Variants in IL1RAPL1 observed in about 807,000 individuals in gnomAD.
The protein encoded by IL1RAPL1 is interleukin 1 receptor accessory protein like 1.
In IL1RAPL1, 3 loss-of-function variants were observed where a neutral mutation model predicts 48.4. That is an observed-to-expected ratio of 0.06 (90% CI 0.03 to 0.16). The LOEUF is 0.16. Among genes scored for constraint, IL1RAPL1 ranks in the 10% least tolerant of loss-of-function variants. The pLI is 1.00. For synonymous variants in IL1RAPL1, 185 were observed against 187.7 expected, an observed-to-expected ratio of 0.99 and a Z score of 0.12; for missense variants, 349 against 530.6, an observed-to-expected ratio of 0.66 and a Z score of 3.36.
At chrX:28,932,430 C>T (rs1410395416) in intron 2 of IL1RAPL1, among the ~76,000 whole-genome samples, 1 of 111,508 alleles carries the variant, frequency 9.0e-6, no homozygotes, top group African/African-American at 3.3e-5. Context: ...TCAGGTTTTT[C>T]TCGATCCTTC....
intron 3 of IL1RAPL1, among the ~76,000 whole-genome samples, chrX:29,392,608 TCCAGACATTA>T (rs995566175): frequency 4.5e-5 from 5 of 112,103 alleles, no homozygotes; most frequent in Non-Finnish European, 9.4e-5. Context: ...AGTCTGGAGT[TCCAGACATTA>T]CCAGACACTC....
At chrX:29,629,648 C>A (rs1369719074) in intron 5 of IL1RAPL1, among the ~76,000 whole-genome samples, 1 of 112,118 alleles carries the variant, frequency 8.9e-6, no homozygotes, top group African/African-American at 3.2e-5. Flanking sequence ...TAATGTTTGT[C>A]TTCTGAAGAA....
intron 2 of IL1RAPL1, among the ~76,000 whole-genome samples, chrX:29,013,873 T>C (rs1454647346): frequency 3.6e-5 from 4 of 110,154 alleles, no homozygotes; most frequent in African/African-American, 1.3e-4. Flanking sequence ...AACTTAAAAG[T>C]TGAAGGAAAA....
intron 5 of IL1RAPL1, among the ~76,000 whole-genome samples, chrX:29,496,213 A>AT (rs1935211357): frequency 1.8e-5 from 2 of 111,564 alleles, no homozygotes; most frequent in Non-Finnish European, 3.8e-5. Context: ...GTAAAAATGT[A>AT]TTTTTTTCTC....
intron 5 of IL1RAPL1, among the ~76,000 whole-genome samples, chrX:29,545,179 CTAT>C (rs1921577690): frequency 1.1e-3 from 4 of 3,560 alleles, no homozygotes; most frequent in African/African-American, 5.7e-3. Flanking sequence ...AAAACTAATC[CTAT>C]CTATCTATCT....
intron 5 of IL1RAPL1, among the ~76,000 whole-genome samples, chrX:29,532,202 C>T (rs1030969431): frequency 8.9e-6 from 1 of 111,977 alleles, no homozygotes; most frequent in Non-Finnish European, 1.9e-5. Context: ...GTTTATTTCC[C>T]TGCCCCACCT....
intron 6 of IL1RAPL1, among the ~76,000 whole-genome samples, chrX:29,743,795 T>C (rs1460183782): frequency 8.9e-6 from 1 of 112,431 alleles, no homozygotes; most frequent in Admixed American, 9.4e-5. Flanking sequence ...GGTCTTTCTC[T>C]TTTTAACTTT....
chrX:29,367,550 A>ATTTT lies in IL1RAPL1; in HGVS notation c.363-28706_363-28703dup, dbSNP rs201743151. 2.2e-4 allele frequency among the ~76,000 whole-genome samples: 20 copies of ATTTT among 91,424 alleles called. No homozygotes were observed. In the East Asian group the frequency reaches 3.6e-3, roughly 16 times the overall value. 79.4% of individuals were successfully genotyped at this position (91,424 alleles called of 115,157 possible). A position where few individuals can be genotyped will look rare whatever the true frequency, so the allele number is the denominator to read the frequency against. On this transcript the variant is annotated intron_variant, in intron 3 of 10. Coordinates refer to ENST00000378993, the MANE Select transcript of IL1RAPL1 (RefSeq NM_014271.4). Reference sequence around the variant, plus strand: ...AGGTAGAGCAAAAGGGCTTCTATTTATTTTTATTTATTTATTTATTTATTT... The same window carrying ATTTT: ...AGGTAGAGCAAAAGGGCTTCTATTTATTTTTTTTTATTTATTTATTTATTTATTT...
intron 3 of IL1RAPL1, among the ~76,000 whole-genome samples, chrX:29,310,093 CAAAAAAAAAAAAAAAAAAAAAAAAA>C (rs57210050): frequency 2.1e-4 from 5 of 23,736 alleles, no homozygotes; most frequent in African/African-American, 9.6e-4. Flanking sequence ...GACTCCGTCT[CAAAAAAAAAAAAAAAAAAAAAAAAA>C]AAAAAAAAAA....
At chrX:29,810,663 C>T (rs1234187792) in intron 6 of IL1RAPL1, among the ~76,000 whole-genome samples, 2 of 111,360 alleles carry the variant, frequency 1.8e-5, no homozygotes, top group African/African-American at 6.5e-5. Context: ...TTTTCTTATT[C>T]TATCCTCCAT....
At chrX:28,723,700 A>G (rs1461971260) in intron 1 of IL1RAPL1, among the ~76,000 whole-genome samples, 2 of 111,690 alleles carry the variant, frequency 1.8e-5, no homozygotes, top group African/African-American at 6.5e-5. Flanking sequence ...TGTCAATTTT[A>G]GATCTTTCCT....
intron 2 of IL1RAPL1, among the ~76,000 whole-genome samples, chrX:28,901,331 A>G (rs889034054): frequency 8.9e-5 from 10 of 112,232 alleles, no homozygotes; most frequent in African/African-American, 2.9e-4. Flanking sequence ...CTGTTTTTCA[A>G]TTAGGAAGCA....
chrX:29,774,934 A>G (rs1479560200), intron 6 of IL1RAPL1, among the ~76,000 whole-genome samples: 1 of 112,571 alleles, frequency 8.9e-6, no homozygotes, highest in African/African-American at 3.2e-5. Flanking sequence ...TGTACTACAC[A>G]TGAAGTACTG....
At chrX:28,702,664 T>C (rs748906664) in intron 1 of IL1RAPL1, among the ~76,000 whole-genome samples, 3 of 111,878 alleles carry the variant, frequency 2.7e-5, no homozygotes, top group Non-Finnish European at 5.7e-5. Context: ...TGCTTTTGAC[T>C]TGATGCTGAA....
chrX:29,477,019 T>C (rs1422517986), intron 5 of IL1RAPL1, among the ~76,000 whole-genome samples: 1 of 106,496 alleles, frequency 9.4e-6, no homozygotes, highest in Admixed American at 9.9e-5. Flanking sequence ...TAGCTGGGAC[T>C]ACAGGCGCCC....
intron 2 of IL1RAPL1, among the ~76,000 whole-genome samples, chrX:28,909,459 T>A (rs186357678): frequency 9.0e-6 from 1 of 111,617 alleles, no homozygotes; most frequent in African/African-American, 3.2e-5. Context: ...CTATGTCAGT[T>A]CCATAATTTT....
Position 29,294,037 on chromosome X carries a change from TA to T in IL1RAPL1, c.362+10833del, listed in dbSNP as rs1215115516. Among the ~76,000 whole-genome samples the T allele has an allele frequency of 8.1e-3, 718 of 89,151 alleles. 3 individuals are homozygous for T. Among genetic ancestry groups the T allele is most frequent in the African/African-American group, 0.023 (563 of 24,495 alleles). The allele number at this position is 89,151 out of a possible 115,157, so 77.4% of individuals were successfully genotyped here. A position where few individuals can be genotyped will look rare whatever the true frequency, so the allele number is the denominator to read the frequency against. On this transcript the variant is annotated intron_variant, in intron 3 of 10. Coordinates refer to ENST00000378993, the MANE Select transcript of IL1RAPL1 (RefSeq NM_014271.4). ...TCTAATTTTGTGTGTGGTCCTAAAG[TA>T]AAAAAAAAAAAATAAATGAATAAAA...
At chrX:29,643,015 G>A (rs926602352) in intron 5 of IL1RAPL1, among the ~76,000 whole-genome samples, 1 of 112,275 alleles carries the variant, frequency 8.9e-6, no homozygotes, top group Non-Finnish European at 1.9e-5. Flanking sequence ...AACCCACAGT[G>A]GTACCAGCAG....
At chrX:29,500,315 A>G (rs1358270110) in intron 5 of IL1RAPL1, among the ~76,000 whole-genome samples, 1 of 112,237 alleles carries the variant, frequency 8.9e-6, no homozygotes, top group Non-Finnish European at 1.9e-5. Context: ...TGAAATATAC[A>G]ATAGATTATT....
Sources: allele counts gnomAD v4.1 joint callset (sites outside exome capture counted in the v4.1 genomes callset), GRCh38; gene constraint gnomAD v4.1.1; transcripts MANE v1.5; gene names NCBI Gene and HGNC (gene_info 2026-07-23, HGNC 2026-07-21).